The following RBFOX1 variants were observed in gnomAD, a reference collection of about 807,000 sequenced individuals.
The protein encoded by RBFOX1 is RNA binding fox-1 homolog 1, also known as RNA binding protein fox-1 homolog 1.
Under a neutral mutation model 57.7 loss-of-function variants are expected in RBFOX1, and 8 were observed. That is an observed-to-expected ratio of 0.14 (90% CI 0.08 to 0.25). The LOEUF is 0.25. Ranked by LOEUF, RBFOX1 falls within the 10% of genes least tolerant of loss-of-function variation. RBFOX1 has a pLI of 1.00. For synonymous variants in RBFOX1, 326 were observed against 222.4 expected, an observed-to-expected ratio of 1.47 and a Z score of -4.15; for missense variants, 611 against 548.5, an observed-to-expected ratio of 1.11 and a Z score of -1.14.
At chr16:7,094,488 G>C (rs2061367758) in intron 4 of RBFOX1, among the ~76,000 whole-genome samples, 1 of 152,128 alleles carries the variant, frequency 6.6e-6, no homozygotes, top group Admixed American at 6.6e-5. Context: ...CTGGGGACTG[G>C]ATAGAATACA....
At chr16:5,919,053 C>T (rs952366120) in intron 4 of RBFOX1, among the ~76,000 whole-genome samples, 2 of 152,152 alleles carry the variant, frequency 1.3e-5, no homozygotes, top group Non-Finnish European at 2.9e-5. Flanking sequence ...CCACGTCTTT[C>T]CCAGTGTCTG....
chr16:5,495,238 A>G (rs925953949), intron 2 of RBFOX1, among the ~76,000 whole-genome samples: 2 of 152,226 alleles, frequency 1.3e-5, no homozygotes, highest in African/African-American at 4.8e-5. Flanking sequence ...ACCTTGAAGC[A>G]CAAAATACCC....
intron 2 of RBFOX1, among the ~76,000 whole-genome samples, chr16:6,631,648 A>G (rs150527489): frequency 2.6e-5 from 4 of 152,328 alleles, no homozygotes; most frequent in Admixed American, 1.3e-4. Flanking sequence ...AATCAAGGTT[A>G]TCAATGCAAA....
At chr16:7,184,730 T>C (rs1489636973) in intron 4 of RBFOX1, among the ~76,000 whole-genome samples, 2 of 152,132 alleles carry the variant, frequency 1.3e-5, no homozygotes, top group East Asian at 3.9e-4. Flanking sequence ...TTTGGGGCAA[T>C]GTGGAGTTAC....
At chr16:6,235,634 A>C (rs1361642990) in intron 1 of RBFOX1, among the ~76,000 whole-genome samples, 1 of 151,698 alleles carries the variant, frequency 6.6e-6, no homozygotes, top group Non-Finnish European at 1.5e-5. Flanking sequence ...ATATACTTAC[A>C]TATATATATA....
intron 4 of RBFOX1, among the ~76,000 whole-genome samples, chr16:7,246,280 G>A (rs1028968841): frequency 1.3e-5 from 2 of 152,082 alleles, no homozygotes; most frequent in East Asian, 3.9e-4. Flanking sequence ...CAATCCAATT[G>A]CCTCTCACCT....
Position 6,917,804 on chromosome 16 carries a change from G to T in RBFOX1, c.-15-134253G>T, listed in dbSNP as rs114136327. 1.9e-3 allele frequency among the ~76,000 whole-genome samples: 292 copies of T among 152,266 alleles called. 2 individuals are homozygous for T. The highest frequency in any genetic ancestry group is 6.7e-3 in the African/African-American group (279 of 41,556). On this transcript the variant is annotated intron_variant, in intron 3 of 15. Coordinates refer to ENST00000550418, the MANE Select transcript of RBFOX1 (RefSeq NM_018723.4). ...TGTGGATCTCAGTAGCAGACCTTCA[G>T]CTGCCTCTTAGAGAACAGGGCCCTG...
At chr16:7,394,981 T>C (rs1318983221) in intron 4 of RBFOX1, among the ~76,000 whole-genome samples, 1 of 152,196 alleles carries the variant, frequency 6.6e-6, no homozygotes, top group Non-Finnish European at 1.5e-5. Context: ...TGTGAGCCTG[T>C]GTACGTGCTG....
At chr16:7,224,127 TAAAAAAAA>T (rs1168449932) in intron 4 of RBFOX1, among the ~76,000 whole-genome samples, 5 of 52,264 alleles carry the variant, frequency 9.6e-5, no homozygotes, top group African/African-American at 2.3e-4. Flanking sequence ...TTCCTTTTTC[TAAAAAAAA>T]AAAAAAAAAA....
At chr16:6,807,946 A>C (rs2087311658) in intron 3 of RBFOX1, among the ~76,000 whole-genome samples, 1 of 149,966 alleles carries the variant, frequency 6.7e-6, no homozygotes, top group Non-Finnish European at 1.5e-5. Flanking sequence ...ATGCATATGT[A>C]ATATATGCAT....
In RBFOX1 at chr16:7,466,301, C is replaced by G. The variant is rs577624838; in HGVS notation, c.28-51846C>G. On this transcript the variant is annotated intron_variant, in intron 4 of 15. Transcript: ENST00000550418. Reference sequence around the variant, plus strand: ...TGTTTATGGTTTTACCAGACCTATACTATTTAATAGAGATAATAAAGGTTA... The same window carrying G: ...TGTTTATGGTTTTACCAGACCTATAGTATTTAATAGAGATAATAAAGGTTA... Among the ~76,000 whole-genome samples the G allele has an allele frequency of 1.5e-4, 22 of 151,142 alleles. No homozygotes were observed. In the East Asian group the frequency reaches 1.8e-3, roughly 12 times the overall value.
intron 3 of RBFOX1, among the ~76,000 whole-genome samples, chr16:6,822,117 G>A (rs913817652): frequency 1.3e-5 from 2 of 152,148 alleles, no homozygotes; most frequent in African/African-American, 2.4e-5. Context: ...GGGGGAGACA[G>A]ACTGAGAAAG....
chr16:7,039,323 C>G (rs1174604441), intron 3 of RBFOX1, among the ~76,000 whole-genome samples: 1 of 152,180 alleles, frequency 6.6e-6, no homozygotes. Context: ...CCAAAGCTGG[C>G]ATCCTTTCAA....
Position 6,143,765 on chromosome 16 carries a change from A to T in RBFOX1, c.-127+123773A>T, listed in dbSNP as rs536966296. 7.2e-5 allele frequency among the ~76,000 whole-genome samples: 11 copies of T among 152,060 alleles called. 1 individual carries two copies. In the South Asian group the frequency reaches 2.3e-3, roughly 32 times the overall value. The stretch of plus-strand genomic sequence containing the variant: ...CTCTTAAGTAGAAGACTACCTGTGC[A>T]CCTGATACTTTTGCTTTTCACTTGT... On this transcript the variant is annotated intron_variant, in intron 1 of 15. Transcript: ENST00000550418.
At chr16:5,762,500 G>A (rs1366343395) in intron 3 of RBFOX1, among the ~76,000 whole-genome samples, 4 of 152,152 alleles carry the variant, frequency 2.6e-5, no homozygotes, top group Non-Finnish European at 5.9e-5. Context: ...TAATATGCTC[G>A]TTTCAAAAGC....
At chr16:5,885,602 C>T (rs2057878788) in intron 4 of RBFOX1, among the ~76,000 whole-genome samples, 1 of 152,138 alleles carries the variant, frequency 6.6e-6, no homozygotes, top group Admixed American at 6.5e-5. Context: ...TCTCTGAAGA[C>T]CCCTGGCTTG....
At chr16:7,534,943 A>G (rs1387879267) in intron 5 of RBFOX1, among the ~76,000 whole-genome samples, 1 of 152,172 alleles carries the variant, frequency 6.6e-6, no homozygotes, top group African/African-American at 2.4e-5. Context: ...GTGTCCTGAC[A>G]CTGGGGCTGA....
intron 4 of RBFOX1, among the ~76,000 whole-genome samples, chr16:7,276,394 C>A (rs2095440718): frequency 6.6e-6 from 1 of 152,170 alleles, no homozygotes; most frequent in South Asian, 2.1e-4. Context: ...CAAGGCTAGA[C>A]CCTGAAGAGC....
Position 5,944,987 on chromosome 16 carries a change from A to AAAAGAG in RBFOX1, c.351+77653_351+77654insAAGAGA, listed in dbSNP as rs1555453186. On this transcript the variant is annotated intron_variant, in intron 4 of 19. Coordinates refer to the RBFOX1 transcript ENST00000641259. ...CATAAAAAAAAAAAAAAAAAAAAAA[A>AAAAGAG]AGAGAGAGAGAGAGAGAGAAAGAGA... is the stretch of plus-strand genomic sequence containing the variant. Among the ~76,000 whole-genome samples the AAAAGAG allele has an allele frequency of 4.0e-3, 384 of 96,996 alleles. 2 individuals are homozygous for AAAAGAG. Among genetic ancestry groups the AAAAGAG allele is most frequent in the Middle Eastern group, 0.01 (1 of 100 alleles). 63.6% of individuals were successfully genotyped at this position (96,996 alleles called of 152,430 possible).
Sources: gnomAD v4.1 joint callset for allele counts (sites outside exome capture counted in the v4.1 genomes callset) on GRCh38, gnomAD v4.1.1 for gene constraint, MANE v1.5 for transcripts, NCBI Gene and HGNC (gene_info 2026-07-23, HGNC 2026-07-21) for gene names.